SNX8: variants seen among roughly 807,000 people sequenced by gnomAD.
The protein encoded by SNX8 is sorting nexin-8.
SNX8 carries 25 observed loss-of-function variants against 51.6 expected under a neutral mutation model. The observed-to-expected ratio is 0.48, with a 90% CI of 0.35 to 0.68. The LOEUF (loss-of-function observed/expected upper bound fraction) is 0.68. SNX8 is among the 30% of genes least tolerant of loss of function. SNX8 has a pLI of 0.00. For synonymous variants in SNX8, 324 were observed against 277.0 expected, an observed-to-expected ratio of 1.17 and a Z score of -1.68; for missense variants, 695 against 624.0, an observed-to-expected ratio of 1.11 and a Z score of -1.21.
At chr7:2,274,684 C>T (rs991090310) in intron 3 of SNX8, among the ~76,000 whole-genome samples, 6 of 152,228 alleles carry the variant, frequency 3.9e-5, no homozygotes, top group East Asian at 1.9e-4. Flanking sequence ...ATGAGGCCAC[C>T]GAGCGCTCCC....
chr7:2,274,287 G>A (rs1286289856), intron 3 of SNX8, among the ~76,000 whole-genome samples: 1 of 152,222 alleles, frequency 6.6e-6, no homozygotes, highest in Non-Finnish European at 1.5e-5. Context: ...ATGCATCATC[G>A]TACGATTTCA....
intron 5 of SNX8, among the ~76,000 whole-genome samples, chr7:2,269,222 G>A (rs575344043): frequency 4.0e-5 from 6 of 150,812 alleles, no homozygotes; most frequent in African/African-American, 7.3e-5. Context: ...GTTGATCTGT[G>A]ACCTTACCCC....
chr7:2,309,020 C>G (rs1796608851), intron 1 of SNX8, among the ~76,000 whole-genome samples: 1 of 151,948 alleles, frequency 6.6e-6, no homozygotes, highest in Non-Finnish European at 1.5e-5. Flanking sequence ...AATTCCTGAC[C>G]TCAGGTGATC....
intron 1 of SNX8, among the ~76,000 whole-genome samples, chr7:2,311,249 TAGAGA>T (rs1370595116): frequency 6.6e-6 from 1 of 152,146 alleles, no homozygotes; most frequent in Non-Finnish European, 1.5e-5. Context: ...GCCAAAACTC[TAGAGA>T]AGAGGAAATT....
At chr7:2,307,256 T>G (rs1796562915) in intron 1 of SNX8, among the ~76,000 whole-genome samples, 1 of 140,888 alleles carries the variant, frequency 7.1e-6, no homozygotes, top group Admixed American at 7.5e-5. Context: ...CTTCTGCCCT[T>G]TAAGTCTGGT....
At chr7:2,330,635 C>A (rs932479171) in intron 1 of SNX8, among the ~76,000 whole-genome samples, 7 of 151,992 alleles carry the variant, frequency 4.6e-5, no homozygotes, top group African/African-American at 1.7e-4. Context: ...GAGCCCCCAA[C>A]CTGTGGTATC....
At chr7:2,336,804 C>T (rs1778838362) in intron 1 of SNX8, among the ~76,000 whole-genome samples, 1 of 151,280 alleles carries the variant, frequency 6.6e-6, no homozygotes, top group African/African-American at 2.4e-5. Context: ...GTCAGAAGTT[C>T]GAGAGTAGCA....
At position 2,263,243 on chromosome 7, in the gene SNX8, T is replaced by A; in HGVS notation, c.902A>T (p.Lys301Met). The A allele has an allele frequency of 6.2e-7, 1 of 1,613,924 alleles. No individual in the cohort carries two copies. Among genetic ancestry groups the A allele is most frequent in the Non-Finnish European group, 8.5e-7 (1 of 1,180,014 alleles). The change falls in exon 7 of 11, where the codon AAG becomes ATG. Residue 301 changes from lysine to methionine, a missense_variant. Physicochemically the swap from Lys to Met is moderately conservative, Grantham distance 95 (BLOSUM62 -1). Coordinates refer to ENST00000222990, the MANE Select transcript of SNX8 (RefSeq NM_013321.4). ...LSVEFALLAD[K>M]AAQQGKQEEN... ...CGATCCACTCACCTGTTGTGCAGCCTTGTCGGCGAGCAGCGCGAATTCCAC... is the reference window on the plus strand; with the variant it reads ...CGATCCACTCACCTGTTGTGCAGCCATGTCGGCGAGCAGCGCGAATTCCAC...
At chr7:2,282,040 G>A (rs970194187) in intron 1 of SNX8, among the ~76,000 whole-genome samples, 2 of 152,228 alleles carry the variant, frequency 1.3e-5, no homozygotes, top group African/African-American at 4.8e-5. Context: ...CTATCTGTGA[G>A]ACCCTGGGAG....
At position 2,256,931 on chromosome 7, in the gene SNX8, G is replaced by A. The variant is rs1293898006; in HGVS notation, c.1227C>T (p.Pro409=). ...AGGCGCGGAGGATGTGGGAGGTGAG[G>A]GGCAGGTAGACGTGGATGAGCTGCG... ...QETQLIHVYL[P]LTSHILRAFV... Residue 409 remains proline (P), a synonymous_variant, in exon 10 of 11, where the codon CCC becomes CCT. Coordinates refer to ENST00000222990, the MANE Select transcript of SNX8 (RefSeq NM_013321.4). 5.0e-6 allele frequency: 8 copies of A among 1,613,708 alleles called. No individual in the cohort carries two copies. The highest frequency in any genetic ancestry group is 1.7e-5 in the Admixed American group (1 of 60,006).
intron 1 of SNX8, among the ~76,000 whole-genome samples, chr7:2,300,862 C>T (rs1411689028): frequency 1.3e-5 from 2 of 152,034 alleles, no homozygotes; most frequent in Non-Finnish European, 2.9e-5. Context: ...AGGCTGTTCT[C>T]GAACTCCTGA....
intron 1 of SNX8, among the ~76,000 whole-genome samples, chr7:2,293,104 C>A (rs546975847): frequency 1.3e-5 from 2 of 150,870 alleles, no homozygotes; most frequent in Admixed American, 6.6e-5. Context: ...ATGACACCAC[C>A]AAGAAAGTGA....
At position 2,354,114 on chromosome 7, in the gene SNX8, G is replaced by T. The variant is rs535171068; in HGVS notation, c.-66+108C>A. 2.6e-5 allele frequency: 4 copies of T among 152,170 alleles called. 1 individual carries two copies. Among genetic ancestry groups the T allele is most frequent in the African/African-American group, 7.3e-5 (3 of 41,284 alleles). The allele number at this position is 152,170 out of a possible 1,614,324, so 9.4% of individuals were successfully genotyped here. A position where few individuals can be genotyped will look rare whatever the true frequency, so the allele number is the denominator to read the frequency against. ...ACCCGCGCTGTCCCGCGCTGAAGGC[G>T]GCGGCCTCGGATGGACTGAACCACT... On this transcript the variant is annotated intron_variant, in intron 1 of 5. Coordinates refer to the SNX8 transcript ENST00000435336.
At chr7:2,346,126 T>C (rs549349864) in intron 1 of SNX8, among the ~76,000 whole-genome samples, 1 of 152,086 alleles carries the variant, frequency 6.6e-6, no homozygotes, top group Non-Finnish European at 1.5e-5. Context: ...TAATAGCATA[T>C]GGGTCTACTA....
chr7:2,317,878 A>G (rs1796781336), upstream of SNX8, among the ~76,000 whole-genome samples: 1 of 152,072 alleles, frequency 6.6e-6, no homozygotes, highest in South Asian at 2.1e-4. Flanking sequence ...TGGACATATA[A>G]CAACTTTCCC....
chr7:2,291,152 C>A (rs1796141699), intron 1 of SNX8, among the ~76,000 whole-genome samples: 1 of 151,992 alleles, frequency 6.6e-6, no homozygotes, highest in Admixed American at 6.6e-5. Flanking sequence ...GAAAAAAAAC[C>A]AGTCAGGCGT....
chr7:2,289,138 G>A lies in SNX8; in HGVS notation c.95-10833C>T, dbSNP rs574021587. On this transcript the variant is annotated intron_variant, in intron 1 of 10. Transcript: ENST00000222990. Reference sequence around the variant, plus strand: ...AGACCTGTTGTGCACGTGGCTGTGGGGCGATGGCTGCCCCTGTGGTGGGCG... The same window carrying A: ...AGACCTGTTGTGCACGTGGCTGTGGAGCGATGGCTGCCCCTGTGGTGGGCG... 1.8e-3 allele frequency among the ~76,000 whole-genome samples: 280 copies of A among 152,272 alleles called. 1 individual carries two copies. The highest frequency in any genetic ancestry group is 6.4e-3 in the African/African-American group (264 of 41,552).
chr7:2,302,725 T>G (rs1372007451), intron 1 of SNX8, among the ~76,000 whole-genome samples: 2 of 147,058 alleles, frequency 1.4e-5, no homozygotes, highest in Non-Finnish European at 3.0e-5. Context: ...GCCCATCGTC[T>G]GAGATGTGGG....
intron 1 of SNX8, among the ~76,000 whole-genome samples, chr7:2,336,341 A>G (rs1469830741): frequency 6.6e-6 from 1 of 151,938 alleles, no homozygotes; most frequent in African/African-American, 2.4e-5. Flanking sequence ...CGGAGTTTGC[A>G]GTGAGCCGAG....
Sources: allele counts gnomAD v4.1 joint callset (sites outside exome capture counted in the v4.1 genomes callset), GRCh38; gene constraint gnomAD v4.1.1; transcripts MANE v1.5; gene names NCBI Gene and HGNC (gene_info 2026-07-23, HGNC 2026-07-21).